NIN: variants seen among roughly 807,000 people sequenced by gnomAD.
NIN encodes glycogen synthase kinase 3 beta-interacting protein.
A neutral mutation model predicts 257.6 loss-of-function variants in NIN; 137 were observed. The ratio of observed to expected loss-of-function variants is 0.53; its 90% CI spans 0.46 to 0.61. NIN has a LOEUF of 0.61. Ranked by LOEUF, NIN falls within the 20% of genes least tolerant of loss-of-function variation. NIN has a pLI of 0.00. For synonymous variants in NIN, 918 were observed against 919.8 expected (o/e 1.00, Z 0.04); for missense variants, 2,439 against 2,501.2 (o/e 0.98, Z 0.53).
intron 3 of NIN, among the ~76,000 whole-genome samples, chr14:50,813,398 A>G (rs1454442043): frequency 6.6e-6 from 1 of 152,218 alleles, no homozygotes; most frequent in Non-Finnish European, 1.5e-5. Context: ...GGCAGTTTGC[A>G]GCAATGGGAA....
rs931469071 is a variant in NIN, at chr14:50,722,661, A to G, written c.*802T>C. 1 of 216,110 alleles carries G rather than the reference A, an allele frequency of 4.6e-6. No individual in the cohort carries two copies. Among genetic ancestry groups the G allele is most frequent in the African/African-American group, 2.2e-5 (1 of 44,458 alleles). 13.4% of individuals were successfully genotyped at this position (216,110 alleles called of 1,614,324 possible). ...TTATCCCTCTTTTCTAAGAGTAGCT[A>G]TTTACTCCAAAGTGGTTTGTTCAGT... On this transcript the variant is annotated 3_prime_UTR_variant, in exon 31 of 31. Transcript: ENST00000530997.
At chr14:50,820,727 A>G (rs1399358954) in intron 3 of NIN, among the ~76,000 whole-genome samples, 2 of 152,172 alleles carry the variant, frequency 1.3e-5, no homozygotes, top group East Asian at 3.8e-4. Context: ...GAGGCCAAGA[A>G]TGGCTCCAGT....
chr14:50,743,869 G>GA (rs2140534823), intron 23 of NIN, among the ~76,000 whole-genome samples: 1 of 152,134 alleles, frequency 6.6e-6, no homozygotes, highest in Admixed American at 6.5e-5. Flanking sequence ...GGCAGGTGGG[G>GA]AAAAAAGGTG....
rs1470021620 is a variant in NIN, at chr14:50,760,258, T to C, written c.1998A>G (p.Glu666=). The change falls in exon 17 of 31, where the codon GAA becomes GAG. Residue 666 remains glutamate (E), a synonymous_variant. Transcript: ENST00000530997. ...CATTTTTAAGGTCACTTATTTGTTT[T>C]TCTAAGGTGTGCGTTTCGTTCTCAT... ...QRHENETHTL[E]KQISDLKNEI... 6.2e-7 allele frequency: 1 copy of C among 1,611,842 alleles called. No homozygotes were observed. The highest frequency in any genetic ancestry group is 8.5e-7 in the Non-Finnish European group (1 of 1,179,962).
intron 28 of NIN, among the ~76,000 whole-genome samples, chr14:50,731,607 A>G (rs1182875593): frequency 1.3e-5 from 2 of 151,714 alleles, no homozygotes. Flanking sequence ...AGGCCAAGGC[A>G]GGTGGATCAC....
At chr14:50,758,809 G>C (rs1297120407) in intron 17 of NIN, among the ~76,000 whole-genome samples, 179 bp from the exon 18 acceptor site, 1 of 152,170 alleles carries the variant, frequency 6.6e-6, no homozygotes, top group African/African-American at 2.4e-5. Context: ...ATTTCTGAAA[G>C]CTAAGACTGG....
chr14:50,743,552 G>A (rs1399560203), intron 23 of NIN, 23 bp from the exon 24 acceptor site: 2 of 1,488,466 alleles, frequency 1.3e-6, no homozygotes, highest in Non-Finnish European at 1.9e-6. Flanking sequence ...GGGAAAAAGA[G>A]GTAAGAGGGC....
At chr14:50,770,315 AC>A (rs1359063502) in intron 12 of NIN, 72 bp downstream of exon 12, 1 of 1,457,702 alleles carries the variant, frequency 6.9e-7, no homozygotes, top group Non-Finnish European at 9.4e-7. Flanking sequence ...AAACATGCCC[AC>A]TTCCAAAGCT....
At chr14:50,823,116 A>G (rs1180589951) in intron 2 of NIN, 4 of 506,180 alleles carry the variant, frequency 7.9e-6, no homozygotes, top group Non-Finnish European at 1.6e-5. Context: ...TATACATCAT[A>G]AAATTCCAGG....
Position 50,756,585 on chromosome 14 carries a change from A to G in NIN, c.4445T>C (p.Leu1482Pro), listed in dbSNP as rs112895956. The change falls in exon 18 of 31, where the codon CTT (leucine) becomes CCT (proline). Residue 1482 changes from leucine to proline, a missense_variant. This residue lies in a region of NIN where 2,043 missense variants were observed against 2,050.2 expected (regional missense o/e 1.00). Coordinates refer to ENST00000530997, the MANE Select transcript of NIN (RefSeq NM_020921.4). ...VTILVKQKDV[L>P]SHGEKEEELK... ...CTCTTCCTCCTTTTCTCCGTGAGAAAGTACATCTTTTTGCTTAACTAAAAT... is the reference window on the plus strand; with the variant it reads ...CTCTTCCTCCTTTTCTCCGTGAGAAGGTACATCTTTTTGCTTAACTAAAAT... 10 of 1,608,236 alleles carry G rather than the reference A, an allele frequency of 6.2e-6. 1 individual carries two copies. In the African/African-American group the frequency reaches 1.1e-4, roughly 17 times the overall value.
chr14:50,765,855 T>A (rs1001296195), intron 14 of NIN, among the ~76,000 whole-genome samples: 50 of 150,786 alleles, frequency 3.3e-4, no homozygotes, highest in Middle Eastern at 6.8e-3. Flanking sequence ...TTTTTTTTTT[T>A]AATTTTATTA....
chr14:50,781,914 C>A (rs890358334), intron 5 of NIN, among the ~76,000 whole-genome samples: 2 of 151,792 alleles, frequency 1.3e-5, no homozygotes, highest in Non-Finnish European at 2.9e-5. Context: ...GGGGAGGTAT[C>A]TGTTATGGAT....
At chr14:50,786,239 G>A (rs891540030) in intron 5 of NIN, among the ~76,000 whole-genome samples, 22 of 152,232 alleles carry the variant, frequency 1.4e-4, no homozygotes, top group Admixed American at 1.3e-3. Flanking sequence ...CCTCAGAGCT[G>A]CTAAGTAACG....
At chr14:50,730,863 G>GC in intron 28 of NIN, 1 of 1,257,026 alleles carries the variant, frequency 8.0e-7, no homozygotes, top group Non-Finnish European at 1.0e-6. Flanking sequence ...AATAACATGA[G>GC]CAAGGGGTTT....
At chr14:50,804,741 T>C (rs1016841929) in intron 4 of NIN, among the ~76,000 whole-genome samples, 3 of 152,052 alleles carry the variant, frequency 2.0e-5, no homozygotes, top group Non-Finnish European at 2.9e-5. Context: ...ACTGGAAGAA[T>C]TGTCTTGGGC....
At chr14:50,741,273 AAAAG>A (rs2041267857) in intron 25 of NIN, among the ~76,000 whole-genome samples, 2 of 152,210 alleles carry the variant, frequency 1.3e-5, no homozygotes, top group Admixed American at 6.5e-5. Context: ...CAATACAAAA[AAAAG>A]ACCTGTTTTA....
chr14:50,767,395 C>T (rs2042531867), intron 12 of NIN, among the ~76,000 whole-genome samples: 1 of 152,168 alleles, frequency 6.6e-6, no homozygotes, highest in African/African-American at 2.4e-5. Flanking sequence ...GTATGTGTAT[C>T]TATTGGACAG....
At chr14:50,745,756 G>C (rs1194981022) in intron 22 of NIN, among the ~76,000 whole-genome samples, 1 of 152,118 alleles carries the variant, frequency 6.6e-6, no homozygotes, top group Non-Finnish European at 1.5e-5. Context: ...TACCATTTTG[G>C]ATGTCTGTAA....
intron 27 of NIN, 115 bp downstream of exon 27, chr14:50,738,025 A>C (rs929060491): frequency 9.8e-7 from 1 of 1,020,592 alleles, no homozygotes; most frequent in East Asian, 2.5e-5. Flanking sequence ...AAAGAGATAC[A>C]TGCCAAAATA....
Sources: gnomAD v4.1 joint callset for allele counts (sites outside exome capture counted in the v4.1 genomes callset) on GRCh38, gnomAD v4.1.1 for gene constraint, gnomAD v4.1.1 regional missense constraint, MANE v1.5 for transcripts, NCBI Gene and HGNC (gene_info 2026-07-23, HGNC 2026-07-21) for gene names.